Variants in AFG2A observed in about 807,000 individuals in gnomAD.
AFG2A encodes the protein AAA ATPase AFG2A.
chr4:123,224,092 G>A, the AFG2A span, among the ~76,000 whole-genome samples: 10 of 151,950 alleles, frequency 6.6e-5, no homozygotes, highest in Admixed American at 1.3e-4. Flanking sequence ...GTTGATTTTT[G>A]TATATGATGT....
chr4:122,969,387 A>C, the AFG2A span, among the ~76,000 whole-genome samples: 1 of 152,082 alleles, frequency 6.6e-6, no homozygotes, highest in Non-Finnish European at 1.5e-5. Flanking sequence ...TACATAAATC[A>C]AGGGTTTGTG....
chr4:123,125,230 T>G, the AFG2A span, among the ~76,000 whole-genome samples: 5 of 152,196 alleles, frequency 3.3e-5, no homozygotes, highest in African/African-American at 9.7e-5. Context: ...GAAATTTGAC[T>G]TCTAGCTAGA....
At chr4:123,159,210 TA>T in the AFG2A span, among the ~76,000 whole-genome samples, 1 of 152,216 alleles carries the variant, frequency 6.6e-6, no homozygotes, top group Non-Finnish European at 1.5e-5. Flanking sequence ...ATAGATAATT[TA>T]TTATTTCGTT....
the AFG2A span, chr4:122,927,654 A>G: frequency 6.2e-7 from 1 of 1,610,836 alleles, no homozygotes; most frequent in East Asian, 2.2e-5. Context: ...AATTCCTAAA[A>G]CATTCCAGAA....
the AFG2A span, among the ~76,000 whole-genome samples, chr4:123,246,361 C>G: frequency 9.2e-5 from 14 of 152,266 alleles, no homozygotes; most frequent in African/African-American, 3.1e-4. Flanking sequence ...GCACTTCGTT[C>G]CTGTGCTTCT....
At chr4:122,929,318 GA>G in the AFG2A span, 1 of 1,127,922 alleles carries the variant, frequency 8.9e-7, no homozygotes, top group Non-Finnish European at 1.2e-6. Context: ...AAAGTAGAGA[GA>G]AACAGGTACA....
the AFG2A span, among the ~76,000 whole-genome samples, chr4:123,032,493 A>C: frequency 1.3e-5 from 2 of 152,270 alleles, no homozygotes; most frequent in South Asian, 4.1e-4. Context: ...CCCGGGTTCA[A>C]GCAATTCTCT....
the AFG2A span, among the ~76,000 whole-genome samples, chr4:123,245,055 A>G: frequency 6.6e-6 from 1 of 152,198 alleles, no homozygotes; most frequent in Admixed American, 6.5e-5. Flanking sequence ...TTCCTGGAGT[A>G]CATGGCCTGG....
At chr4:123,104,289 C>A in the AFG2A span, among the ~76,000 whole-genome samples, 1 of 152,006 alleles carries the variant, frequency 6.6e-6, no homozygotes, top group Non-Finnish European at 1.5e-5. Context: ...TTTTAGGACA[C>A]CATAAACCAC....
the AFG2A span, among the ~76,000 whole-genome samples, chr4:123,200,942 A>G: frequency 6.6e-6 from 1 of 152,376 alleles, no homozygotes; most frequent in East Asian, 1.9e-4. Context: ...CGTTTTAAAA[A>G]TACAGTTTAG....
the AFG2A span, among the ~76,000 whole-genome samples, chr4:123,284,723 T>C: frequency 1.3e-5 from 2 of 152,190 alleles, no homozygotes; most frequent in Non-Finnish European, 2.9e-5. Flanking sequence ...TATTATGTTA[T>C]AGTTGCAATT....
At chr4:123,162,885 AT>A in the AFG2A span, among the ~76,000 whole-genome samples, 1 of 152,224 alleles carries the variant, frequency 6.6e-6, no homozygotes, top group East Asian at 1.9e-4. Context: ...TAGGGTTATT[AT>A]ACAGATTAAT....
chr4:122,974,862 A>G, the AFG2A span, among the ~76,000 whole-genome samples: 2 of 151,758 alleles, frequency 1.3e-5, no homozygotes, highest in African/African-American at 2.4e-5. Context: ...CTGGTCTCGA[A>G]CTCTTGATCT....
At chr4:123,223,742 C>G in the AFG2A span, among the ~76,000 whole-genome samples, 1 of 152,138 alleles carries the variant, frequency 6.6e-6, no homozygotes. Context: ...GGGCGGGGAC[C>G]CAAACCATAT....
the AFG2A span, among the ~76,000 whole-genome samples, chr4:123,006,459 C>A: frequency 6.6e-6 from 1 of 151,986 alleles, no homozygotes; most frequent in African/African-American, 2.4e-5. Context: ...AAAAAAATTT[C>A]TTCAAATATT....
At chr4:123,081,769 T>A in the AFG2A span, among the ~76,000 whole-genome samples, 1 of 152,208 alleles carries the variant, frequency 6.6e-6, no homozygotes, top group Non-Finnish European at 1.5e-5. Flanking sequence ...CAGCAGTGAA[T>A]AAAAGTTTCT....
At chr4:123,147,822 A>G in the AFG2A span, among the ~76,000 whole-genome samples, 1 of 152,222 alleles carries the variant, frequency 6.6e-6, no homozygotes, top group Non-Finnish European at 1.5e-5. Context: ...AAAATCATTA[A>G]TACATTTATG....
chr4:123,046,686 A>G, the AFG2A span, among the ~76,000 whole-genome samples: 1 of 152,076 alleles, frequency 6.6e-6, no homozygotes, highest in Non-Finnish European at 1.5e-5. Context: ...ATATGCAGTA[A>G]ATTGTTGTTA....
chr4:123,051,169 C>T, the AFG2A span, among the ~76,000 whole-genome samples: 557 of 151,206 alleles, frequency 3.7e-3, 3 homozygotes, highest in South Asian at 9.0e-3. Flanking sequence ...CTCTTCTTTT[C>T]GTTTCCTTCT....
Sources: allele counts gnomAD v4.1 joint callset (sites outside exome capture counted in the v4.1 genomes callset), GRCh38; gene constraint gnomAD v4.1.1; transcripts MANE v1.5; gene names NCBI Gene and HGNC (gene_info 2026-07-23, HGNC 2026-07-21).